The following SRRT variants were observed in gnomAD, a reference collection of about 807,000 sequenced individuals.
SRRT encodes serrate RNA effector molecule homolog.
SRRT carries 32 observed loss-of-function variants against 103.2 expected under a neutral mutation model. The observed-to-expected ratio is 0.31, with a 90% confidence interval of 0.23 to 0.42. The LOEUF is 0.42. Among genes scored for constraint, SRRT ranks in the 10% least tolerant of loss-of-function variants. The pLI is 1.00. For missense variants in SRRT, 986 were observed against 1,207.5 expected (o/e 0.82, Z 2.72); for synonymous variants, 525 against 449.0 (o/e 1.17, Z -2.14).
At position 100,887,384 on chromosome 7, in the gene SRRT, C is replaced by T. The variant is rs1410119849; in HGVS notation, c.2040C>T (p.Leu680=). The T allele has an allele frequency of 4.3e-6, 7 of 1,614,186 alleles. No homozygotes were observed. The highest frequency in any genetic ancestry group is 1.1e-5 in the South Asian group (1 of 91,080). Residue 680 remains leucine, a synonymous_variant, in exon 16 of 20, where the codon CTC becomes CTT. Transcript: ENST00000611405. This position sits in a 1 kb window ranked among gnomAD's most constrained non-coding sequence, Gnocchi z 4.1. The part of the protein sequence containing the change: ...LTPLLSVRES[L]SEEEAQKMGR... ...CGTTGCTGAGTGTGCGGGAGTCACT[C>T]TCAGAGGAAGAGGCCCAGAAGATGG...
Position 100,880,877 on chromosome 7 carries a change from T to A in SRRT, c.123-408T>A, listed in dbSNP as rs1161565212. ...ATCAGTTCTTGGGTATTGGCTGAAC[T>A]CATGGAGTTAGACAAGAATCTTTGT... is the stretch of plus-strand genomic sequence containing the variant. On this transcript the variant is annotated intron_variant, in intron 2 of 19. Transcript: ENST00000611405. 6 of 265,052 alleles carry A rather than the reference T, an allele frequency of 2.3e-5. No homozygotes were observed. The Admixed American group carries it at 3.0e-4, about 13-fold the overall frequency. The allele number at this position is 265,052 out of a possible 1,614,324, so 16.4% of individuals were successfully genotyped here.
Position 100,885,397 on chromosome 7 carries a change from C to A in SRRT, c.1317+27C>A. 2.5e-6 allele frequency: 4 copies of A among 1,601,576 alleles called. No individual in the cohort carries two copies. Among genetic ancestry groups the A allele is most frequent in the Non-Finnish European group, 3.4e-6 (4 of 1,171,520 alleles). On this transcript the variant is annotated intron_variant, in intron 10 of 19. Coordinates refer to ENST00000611405, the MANE Select transcript of SRRT (RefSeq NM_015908.6). This position sits in a 1 kb window ranked among gnomAD's most constrained non-coding sequence, Gnocchi z 4.8. The stretch of plus-strand genomic sequence containing the variant: ...TGAGTGGGGACCCGTGGAGTCAGGG[C>A]AGGGCTGATGGAGAAGTGGAGGGTA...
intron 7 of SRRT, 54 bp downstream of exon 7, chr7:100,884,606 G>A (rs368358714): frequency 2.3e-5 from 28 of 1,193,878 alleles, no homozygotes; most frequent in East Asian, 6.1e-5. Flanking sequence ...GGAGGGGGGC[G>A]GGTAGGGGTC....
chr7:100,875,535 C>G lies in SRRT; in HGVS notation c.-18-38C>G, dbSNP rs185998680. 312 of 1,607,824 alleles carry G rather than the reference C, an allele frequency of 1.9e-4. No homozygotes were observed. In the African/African-American group the frequency reaches 3.6e-3, roughly 18 times the overall value. On this transcript the variant is annotated intron_variant, in intron 1 of 19. Coordinates refer to ENST00000611405, the MANE Select transcript of SRRT (RefSeq NM_015908.6). The stretch of plus-strand genomic sequence containing the variant: ...GGGACGGTCCCTTCCTCCGCTCGTC[C>G]TTTTGCACCACTCCTACCGCCTCTC...
rs375803125 is a variant in SRRT, at chr7:100,887,681, C to T, written c.2170-22C>T. On this transcript the variant is annotated intron_variant, in intron 16 of 19. Coordinates refer to ENST00000611405, the MANE Select transcript of SRRT (RefSeq NM_015908.6). The surrounding 1 kb of genome is among the most constrained non-coding windows in gnomAD (Gnocchi z 4.1). ...GGCAACCCTTATGTGGCTGTCCTGA[C>T]CCCTCTCCTCTCTCCACCCAGGGTC... 24 of 1,599,256 alleles carry T rather than the reference C, an allele frequency of 1.5e-5. No individual in the cohort carries two copies. Among genetic ancestry groups the T allele is most frequent in the South Asian group, 5.5e-5 (5 of 90,482 alleles).
At position 100,885,354 on chromosome 7, in the gene SRRT, G is replaced by C; in HGVS notation, c.1301G>C (p.Arg434Pro). ...CGCAACATCGCGCCCAACATCTCCC[G>C]GGCCGAGATCATCTCCGTGAGTGGG... ...FMRNIAPNIS[R>P]AEIISLCKRY... is the part of the protein sequence containing the mutation. The change falls in exon 10 of 20, where the codon CGG becomes CCG. Residue 434 changes from arginine to proline, a missense_variant. By Grantham distance (103) the Arg-to-Pro change is moderately radical (BLOSUM62 -2). Coordinates refer to ENST00000611405, the MANE Select transcript of SRRT (RefSeq NM_015908.6). This position sits in a 1 kb window ranked among gnomAD's most constrained non-coding sequence, Gnocchi z 4.8. 1 of 1,613,556 alleles carries C rather than the reference G, an allele frequency of 6.2e-7. No homozygotes were observed. Among genetic ancestry groups the C allele is most frequent in the Non-Finnish European group, 8.5e-7 (1 of 1,179,628 alleles).
At chr7:100,883,252 A>G (rs939557042) in intron 5 of SRRT, among the ~76,000 whole-genome samples, 1 of 152,080 alleles carries the variant, frequency 6.6e-6, no homozygotes, top group Non-Finnish European at 1.5e-5. Context: ...CTCCCTGCCT[A>G]ACACCACCTT....
rs901976926 is a variant in SRRT at position 100,875,790 on chromosome 7, T to C, written c.122+78T>C. On this transcript the variant is annotated intron_variant, in intron 2 of 19. Coordinates refer to ENST00000611405, the MANE Select transcript of SRRT (RefSeq NM_015908.6). ...CCGCGTCGCTTTTCTTTCTCCCCCT[T>C]GTAATTTTTATGAGGGCGAATCCTA... 15 of 1,570,392 alleles carry C rather than the reference T, an allele frequency of 9.6e-6. No individual in the cohort carries two copies. The African/African-American group carries it at 1.6e-4, about 17-fold the overall frequency.
chr7:100,884,346 C>T (rs772508733), intron 6 of SRRT, 22 bp from the exon 7 acceptor site: 41 of 1,612,602 alleles, frequency 2.5e-5, no homozygotes, highest in Admixed American at 1.7e-5. Context: ...GGGGTCATGA[C>T]CTCTGTTCCC....
chr7:100,886,107 C>CGG, intron 12 of SRRT, 140 bp from the exon 13 acceptor site: 4 of 1,249,462 alleles, frequency 3.2e-6, no homozygotes, highest in African/African-American at 1.5e-5. Context: ...TTAGCATGGA[C>CGG]GGAACCTATG....
At chr7:100,881,607 T>C in intron 3 of SRRT, 52 bp from the exon 4 acceptor site, 1 of 1,610,848 alleles carries the variant, frequency 6.2e-7, no homozygotes. Flanking sequence ...TCCTCCATGC[T>C]CTGGGGAGGT....
rs774351392 is a variant in SRRT at position 100,884,450 on chromosome 7, T to C, written c.840T>C (p.Pro280=). The C allele has an allele frequency of 7.4e-6, 12 of 1,613,704 alleles. No individual in the cohort carries two copies. Among genetic ancestry groups the C allele is most frequent in the Non-Finnish European group, 1.0e-5 (12 of 1,179,894 alleles). Residue 280 remains proline, a synonymous_variant, in exon 7 of 20, where the codon CCT becomes CCC. Coordinates refer to ENST00000611405, the MANE Select transcript of SRRT (RefSeq NM_015908.6). ...QEEEEEQAGK[P]GEPSKKEEGR... is the part of the protein sequence containing the mutation. Reference sequence around the variant, plus strand: ...AGGAGGAGGAGCAGGCAGGAAAGCCTGGGGAGCCCAGCAAGAAAGAAGAAG... The same window carrying C: ...AGGAGGAGGAGCAGGCAGGAAAGCCCGGGGAGCCCAGCAAGAAAGAAGAAG...
chr7:100,875,552 C>T lies in SRRT; in HGVS notation c.-18-21C>T, dbSNP rs374657882. The T allele has an allele frequency of 3.7e-6, 6 of 1,612,174 alleles. No homozygotes were observed. In the African/African-American group the frequency reaches 5.3e-5, roughly 14 times the overall value. On this transcript the variant is annotated intron_variant, in intron 1 of 19. Transcript: ENST00000611405. ...CGCTCGTCCTTTTGCACCACTCCTA[C>T]CGCCTCTCCCCGGTCCCCAGGCCCC... is the stretch of plus-strand genomic sequence containing the variant.
chr7:100,883,896 T>C (rs948253832), intron 5 of SRRT, among the ~76,000 whole-genome samples, 174 bp from the exon 6 acceptor site: 1 of 152,216 alleles, frequency 6.6e-6, no homozygotes, highest in Non-Finnish European at 1.5e-5. Context: ...CTGGTTCCTT[T>C]TGGGGTGTTG....
chr7:100,884,961 C>T lies in SRRT; in HGVS notation c.1080C>T (p.Asp360=), dbSNP rs771318243. 2 of 1,614,058 alleles carry T rather than the reference C, an allele frequency of 1.2e-6. No individual in the cohort carries two copies. Among genetic ancestry groups the T allele is most frequent in the East Asian group, 4.5e-5 (2 of 44,874 alleles). ...GGAACCGGAAGCACAGTGGTGACGACAGCTTTGACGAGGGCAGCGTGTCAG... is the reference window on the plus strand; with the variant it reads ...GGAACCGGAAGCACAGTGGTGACGATAGCTTTGACGAGGGCAGCGTGTCAG... ...KKRNRKHSGD[D]SFDEGSVSES... The change falls in exon 9 of 20, where the codon GAC becomes GAT. Residue 360 remains aspartate, a synonymous_variant. Coordinates refer to ENST00000611405, the MANE Select transcript of SRRT (RefSeq NM_015908.6).
In SRRT at chr7:100,887,666, A is replaced by G. The variant is rs759246774; in HGVS notation, c.2170-37A>G. ...CGGGCCTGGGAGCGAGGCAACCCTT[A>G]TGTGGCTGTCCTGACCCCTCTCCTC... On this transcript the variant is annotated intron_variant, in intron 16 of 19. Coordinates refer to ENST00000611405, the MANE Select transcript of SRRT (RefSeq NM_015908.6). The surrounding 1 kb of genome is among the most constrained non-coding windows in gnomAD (Gnocchi z 4.1). 1 of 1,593,314 alleles carries G rather than the reference A, an allele frequency of 6.3e-7. No homozygotes were observed. The highest frequency in any genetic ancestry group is 1.7e-5 in the Admixed American group (1 of 59,224).
chr7:100,878,038 G>A (rs921715341), intron 2 of SRRT, among the ~76,000 whole-genome samples: 3 of 152,162 alleles, frequency 2.0e-5, no homozygotes, highest in South Asian at 2.1e-4. Context: ...TTGGGCCGGC[G>A]CAGTGGCTCA....
rs1448054053 is a variant in SRRT, at chr7:100,888,327, A to G, written c.2499A>G (p.Arg833=). The change falls in exon 19 of 20, where the codon CGA becomes CGG. Residue 833 remains arginine, a synonymous_variant. Transcript: ENST00000611405. Reference sequence around the variant, plus strand: ...CCCATGCCCCGTATGGTGCTGGTCGAGGGAACTATGATGCCTTCCGAGGCC... The same window carrying G: ...CCCATGCCCCGTATGGTGCTGGTCGGGGGAACTATGATGCCTTCCGAGGCC... ...PYPHAPYGAG[R]GNYDAFRGQG... is the part of the protein sequence containing the mutation. 2 of 1,614,022 alleles carry G rather than the reference A, an allele frequency of 1.2e-6. No homozygotes were observed. Among genetic ancestry groups the G allele is most frequent in the African/African-American group, 1.3e-5 (1 of 74,928 alleles).
chr7:100,881,606 C>A (rs1002144505), intron 3 of SRRT, 53 bp from the exon 4 acceptor site: 14 of 1,610,408 alleles, frequency 8.7e-6, no homozygotes, highest in Non-Finnish European at 1.2e-5. Flanking sequence ...ATCCTCCATG[C>A]TCTGGGGAGG....
Sources: allele counts gnomAD v4.1 joint callset (sites outside exome capture counted in the v4.1 genomes callset), GRCh38; gene constraint gnomAD v4.1.1; non-coding constraint Gnocchi (gnomAD v3.1); transcripts MANE v1.5; gene names NCBI Gene and HGNC (gene_info 2026-07-23, HGNC 2026-07-21).